The following JAM3 variants were observed in gnomAD, a reference collection of about 807,000 sequenced individuals.
The protein encoded by JAM3 is junctional adhesion molecule 3, also known as junctional adhesion molecule C.
A neutral mutation model predicts 39.4 loss-of-function variants in JAM3; 31 were observed. That is an observed-to-expected ratio of 0.79 (90% confidence interval 0.59 to 1.06). JAM3 has a LOEUF of 1.06. Among genes scored for constraint, JAM3 ranks in the 50% least tolerant of loss-of-function variants. The pLI is 0.00. For synonymous variants in JAM3, 182 were observed against 148.7 expected (o/e 1.22, Z -1.63); for missense variants, 455 against 391.4 (o/e 1.16, Z -1.37).
chr11:134,150,688 C>T lies in JAM3; in HGVS notation c.*1507C>T, dbSNP rs879100745. 1.3e-5 allele frequency: 2 copies of T among 151,886 alleles called. No individual in the cohort carries two copies. The highest frequency in any genetic ancestry group is 4.2e-4 in the South Asian group (2 of 4,794). 9.4% of individuals were successfully genotyped at this position (151,886 alleles called of 1,614,324 possible). On this transcript the variant is annotated 3_prime_UTR_variant, in exon 9 of 9. Coordinates refer to ENST00000299106, the MANE Select transcript of JAM3 (RefSeq NM_032801.5). ...AATTATTTGTTAAGATTGTCTAAGG[C>T]CAAAGGCAATTGCGAAATCAAGTCT...
chr11:134,086,898 G>T (rs1941754052), intron 1 of JAM3, among the ~76,000 whole-genome samples: 1 of 152,014 alleles, frequency 6.6e-6, no homozygotes, highest in Admixed American at 6.6e-5. Context: ...TGAACTCCTG[G>T]GGTTCAAGCA....
At chr11:134,125,972 A>G (rs1241887987) in intron 1 of JAM3, among the ~76,000 whole-genome samples, 1 of 152,186 alleles carries the variant, frequency 6.6e-6, no homozygotes, top group Non-Finnish European at 1.5e-5. Flanking sequence ...CTCTATGTCA[A>G]AATCATGCTC....
At chr11:134,079,842 G>A (rs1941634643) in intron 1 of JAM3, among the ~76,000 whole-genome samples, 1 of 152,172 alleles carries the variant, frequency 6.6e-6, no homozygotes, top group South Asian at 2.1e-4. Flanking sequence ...TGAAGGTTTT[G>A]AAAATGTAGT....
intron 1 of JAM3, among the ~76,000 whole-genome samples, chr11:134,113,954 C>T (rs970086251): frequency 1.3e-5 from 2 of 152,190 alleles, no homozygotes; most frequent in African/African-American, 4.8e-5. Context: ...TGATGATGAG[C>T]ATTTCTTCAT....
At chr11:134,111,804 CAATT>C (rs754891609) in intron 1 of JAM3, among the ~76,000 whole-genome samples, 3 of 152,134 alleles carry the variant, frequency 2.0e-5, no homozygotes, top group Non-Finnish European at 4.4e-5. Context: ...TAATGCCTCT[CAATT>C]AACAAAAATT....
chr11:134,117,269 C>T (rs903287153), intron 1 of JAM3, among the ~76,000 whole-genome samples: 1 of 152,054 alleles, frequency 6.6e-6, no homozygotes, highest in African/African-American at 2.4e-5. Flanking sequence ...CCCAGCTACT[C>T]AGGAGGCTGA....
intron 1 of JAM3, among the ~76,000 whole-genome samples, chr11:134,082,838 A>G (rs1484408310): frequency 6.6e-6 from 1 of 152,196 alleles, no homozygotes; most frequent in Non-Finnish European, 1.5e-5. Context: ...CAGGTTGAGA[A>G]GCCTGCTTTA....
chr11:134,106,131 G>T (rs1393011162), intron 1 of JAM3, among the ~76,000 whole-genome samples: 1 of 152,148 alleles, frequency 6.6e-6, no homozygotes, highest in Non-Finnish European at 1.5e-5. Flanking sequence ...AAACAGCATG[G>T]TACTGGTACC....
chr11:134,075,215 C>T (rs1591766721), intron 1 of JAM3, among the ~76,000 whole-genome samples: 3 of 152,138 alleles, frequency 2.0e-5, no homozygotes, highest in East Asian at 3.9e-4. Context: ...GGTAAATATT[C>T]TGTGGGTTTA....
chr11:134,071,412 T>A (rs2120554528), intron 1 of JAM3, among the ~76,000 whole-genome samples: 1 of 152,354 alleles, frequency 6.6e-6, no homozygotes, highest in South Asian at 2.1e-4. Context: ...GGAGTTCTTT[T>A]AATGGATCAG....
Position 134,139,844 on chromosome 11 carries a change from C to G in JAM3, c.77-7C>G. 6.2e-7 allele frequency: 1 copy of G among 1,612,548 alleles called. No individual in the cohort carries two copies. The highest frequency in any genetic ancestry group is 8.5e-7 in the Non-Finnish European group (1 of 1,178,548). On this transcript the variant is annotated splice_region_variant and splice_polypyrimidine_tract_variant and intron_variant, in intron 1 of 8. Transcript: ENST00000299106. Reference sequence around the variant, plus strand: ...TGTCTCTGATTTTACTTTTCTTTCTCCTTCAGGCTGCCTGATAGGGGCTGT... The same window carrying G: ...TGTCTCTGATTTTACTTTTCTTTCTGCTTCAGGCTGCCTGATAGGGGCTGT...
chr11:134,139,470 G>A (rs1226432090), intron 1 of JAM3, among the ~76,000 whole-genome samples: 2 of 151,988 alleles, frequency 1.3e-5, no homozygotes, highest in Admixed American at 1.3e-4. Context: ...TGCCTGTGCA[G>A]GATTGGAAGC....
chr11:134,139,959 T>G (rs1364372139), intron 2 of JAM3, 43 bp downstream of exon 2: 1 of 1,458,032 alleles, frequency 6.9e-7, no homozygotes, highest in South Asian at 1.1e-5. Flanking sequence ...CACCATCTAC[T>G]GGACATTTGA....
chr11:134,121,744 C>T (rs1412057284), intron 1 of JAM3, among the ~76,000 whole-genome samples: 2 of 151,790 alleles, frequency 1.3e-5, no homozygotes, highest in South Asian at 4.1e-4. Flanking sequence ...CATCCTTCTC[C>T]TCAATACAGA....
At chr11:134,105,047 C>G (rs1181158169) in intron 1 of JAM3, among the ~76,000 whole-genome samples, 1 of 151,922 alleles carries the variant, frequency 6.6e-6, no homozygotes, top group Non-Finnish European at 1.5e-5. Flanking sequence ...GGCAGAGACA[C>G]AAAAAAAGAG....
At chr11:134,130,495 G>A (rs1163850469) in intron 1 of JAM3, among the ~76,000 whole-genome samples, 2 of 152,092 alleles carry the variant, frequency 1.3e-5, no homozygotes, top group African/African-American at 2.4e-5. Flanking sequence ...GCAAAATGGT[G>A]GACTGGGAAG....
chr11:134,142,712 T>A (rs760628433), intron 3 of JAM3, among the ~76,000 whole-genome samples: 12 of 152,168 alleles, frequency 7.9e-5, no homozygotes, highest in Non-Finnish European at 1.3e-4. Flanking sequence ...CCATCACCAC[T>A]ATCAAATTCC....
chr11:134,120,108 A>G (rs192468071), intron 1 of JAM3, among the ~76,000 whole-genome samples: 10 of 150,956 alleles, frequency 6.6e-5, no homozygotes, highest in African/African-American at 2.4e-4. Context: ...ACATTGCTGC[A>G]AAGATGCTAT....
At chr11:134,082,264 G>C (rs1478079532) in intron 1 of JAM3, among the ~76,000 whole-genome samples, 1 of 152,224 alleles carries the variant, frequency 6.6e-6, no homozygotes, top group Non-Finnish European at 1.5e-5. Flanking sequence ...GACTTGCTTT[G>C]TCTCAGATGA....
Sources: allele counts gnomAD v4.1 joint callset (sites outside exome capture counted in the v4.1 genomes callset), GRCh38; gene constraint gnomAD v4.1.1; transcripts MANE v1.5; gene names NCBI Gene and HGNC (gene_info 2026-07-23, HGNC 2026-07-21).